Variants in RBFOX1 observed in about 807,000 individuals in gnomAD.
RBFOX1 encodes the protein RNA binding fox-1 homolog 1, also known as RNA binding protein fox-1 homolog 1.
RBFOX1 carries 8 observed loss-of-function variants against 57.7 expected under a neutral mutation model. That is an observed-to-expected ratio of 0.14 (90% CI 0.08 to 0.25). The LOEUF (loss-of-function observed/expected upper bound fraction) is 0.25, where lower values mean the gene tolerates loss of function less well. RBFOX1 is among the 10% of genes least tolerant of loss of function. RBFOX1 has a pLI of 1.00. For missense variants in RBFOX1, 611 were observed against 548.5 expected, an observed-to-expected ratio of 1.11 and a Z score of -1.14; for synonymous variants, 326 against 222.4, an observed-to-expected ratio of 1.47 and a Z score of -4.15.
intron 3 of RBFOX1, among the ~76,000 whole-genome samples, chr16:6,787,665 G>C (rs913699394): frequency 1.3e-5 from 2 of 152,128 alleles, no homozygotes; most frequent in African/African-American, 2.4e-5. Context: ...AGATGAAAGA[G>C]ATTGCATCCC....
chr16:5,864,349 C>A (rs772889533), intron 3 of RBFOX1, among the ~76,000 whole-genome samples: 15 of 152,190 alleles, frequency 9.9e-5, no homozygotes, highest in Non-Finnish European at 1.6e-4. Context: ...GATACATTAT[C>A]AATGTAAACA....
In RBFOX1 at chr16:7,530,036, A is replaced by T. The variant is rs576237918; in HGVS notation, c.270+11647A>T. On this transcript the variant is annotated intron_variant, in intron 5 of 15. Transcript: ENST00000550418. ...AAAAAAAAAAAAAAGTGAATTTAGG[A>T]ACCTGAACCCTTTAAGGGAGACTGT... 9.2e-4 allele frequency among the ~76,000 whole-genome samples: 138 copies of T among 150,596 alleles called. 1 individual carries two copies. The highest frequency in any genetic ancestry group is 3.3e-3 in the African/African-American group (135 of 41,062).
rs528473669 is a variant in RBFOX1, at chr16:6,963,189, G to A, written c.-15-88868G>A. On this transcript the variant is annotated intron_variant, in intron 3 of 15. Coordinates refer to ENST00000550418, the MANE Select transcript of RBFOX1 (RefSeq NM_018723.4). ...AAGCCTAGCACTGCTATTTTTTTTC[G>A]GAGTCCGTCATGCCATAATTTTCTG... 1.2e-4 allele frequency among the ~76,000 whole-genome samples: 18 copies of A among 152,012 alleles called. No homozygotes were observed. In the East Asian group the frequency reaches 1.4e-3, roughly 11 times the overall value.
chr16:6,478,752 C>G (rs1489164535), intron 2 of RBFOX1, among the ~76,000 whole-genome samples: 1 of 151,906 alleles, frequency 6.6e-6, no homozygotes, highest in South Asian at 2.1e-4. Flanking sequence ...GGGGAATGGC[C>G]TGTCAGTGGA....
chr16:7,168,695 C>T (rs534123891), intron 4 of RBFOX1, among the ~76,000 whole-genome samples: 1 of 152,224 alleles, frequency 6.6e-6, no homozygotes, highest in African/African-American at 2.4e-5. Context: ...CTTCCTGTTA[C>T]AAATTTTCTT....
chr16:5,307,428 G>A (rs1438227190), intron 1 of RBFOX1, among the ~76,000 whole-genome samples: 5 of 152,134 alleles, frequency 3.3e-5, no homozygotes, highest in Non-Finnish European at 7.3e-5. Flanking sequence ...CATGCTCGTG[G>A]TGAAGTTAAA....
intron 3 of RBFOX1, among the ~76,000 whole-genome samples, chr16:5,759,058 A>C (rs967028705): frequency 2.0e-5 from 3 of 152,188 alleles, no homozygotes; most frequent in African/African-American, 4.8e-5. Context: ...CTCCATTTCT[A>C]CTTCCATAAA....
intron 4 of RBFOX1, among the ~76,000 whole-genome samples, chr16:5,949,709 T>C (rs1597918674): frequency 6.6e-6 from 1 of 152,156 alleles, no homozygotes; most frequent in Admixed American, 6.5e-5. Flanking sequence ...ACAGCAGTTC[T>C]CAAAATATGC....
At chr16:5,593,823 T>A (rs2047092407) in intron 2 of RBFOX1, among the ~76,000 whole-genome samples, 1 of 152,112 alleles carries the variant, frequency 6.6e-6, no homozygotes, top group Admixed American at 6.6e-5. Context: ...TACTGTGGAG[T>A]CGCCCTGAAT....
chr16:7,287,399 G>C (rs1181830021), intron 4 of RBFOX1, among the ~76,000 whole-genome samples: 1 of 152,062 alleles, frequency 6.6e-6, no homozygotes, highest in Non-Finnish European at 1.5e-5. Context: ...CTATGCCAGG[G>C]TGCTCTCTTT....
chr16:6,990,863 A>G (rs1213410644), intron 3 of RBFOX1, among the ~76,000 whole-genome samples: 2 of 152,086 alleles, frequency 1.3e-5, no homozygotes, highest in South Asian at 2.1e-4. Flanking sequence ...TCTAGTTGCT[A>G]ATTTTTTAAG....
Position 7,000,596 on chromosome 16 carries a change from C to CTTTTTTTTTTTTTTT in RBFOX1, c.-15-51454_-15-51440dup, listed in dbSNP as rs759103545. Among the ~76,000 whole-genome samples the CTTTTTTTTTTTTTTT allele has an allele frequency of 1.2e-3, 111 of 92,568 alleles. 2 individuals are homozygous for CTTTTTTTTTTTTTTT. The highest frequency in any genetic ancestry group is 1.5e-3 in the African/African-American group (36 of 23,664). 60.7% of individuals were successfully genotyped at this position (92,568 alleles called of 152,430 possible). On this transcript the variant is annotated intron_variant, in intron 3 of 15. Coordinates refer to ENST00000550418, the MANE Select transcript of RBFOX1 (RefSeq NM_018723.4). ...TTTCTTTTTTTCTTTCTTTTTCTTT[C>CTTTTTTTTTTTTTTT]TTTTTTTTTTTTTTTTTTTTTGAGA...
chr16:7,141,866 T>C (rs1322314102), intron 4 of RBFOX1, among the ~76,000 whole-genome samples: 1 of 152,176 alleles, frequency 6.6e-6, no homozygotes, highest in African/African-American at 2.4e-5. Flanking sequence ...TTCTCACCTA[T>C]TCTCTGCACA....
intron 1 of RBFOX1, among the ~76,000 whole-genome samples, chr16:6,311,084 C>T (rs2080227113): frequency 6.6e-6 from 1 of 151,814 alleles, no homozygotes; most frequent in Non-Finnish European, 1.5e-5. Context: ...ATCACAAGGT[C>T]AGGAGTTCAA....
chr16:5,293,689 AG>A (rs1333244976), intron 1 of RBFOX1, among the ~76,000 whole-genome samples: 1 of 151,696 alleles, frequency 6.6e-6, no homozygotes, highest in African/African-American at 2.4e-5. Flanking sequence ...TTTATATGAA[AG>A]GTCCAGAATA....
intron 1 of RBFOX1, among the ~76,000 whole-genome samples, chr16:6,110,689 C>T (rs1229061868): frequency 6.6e-6 from 1 of 152,154 alleles, no homozygotes; most frequent in Non-Finnish European, 1.5e-5. Context: ...CATCTCAGTC[C>T]TCAAGAACTG....
intron 1 of RBFOX1, among the ~76,000 whole-genome samples, chr16:6,268,302 T>C (rs1472194220): frequency 6.6e-6 from 1 of 152,228 alleles, no homozygotes; most frequent in African/African-American, 2.4e-5. Context: ...GCAGGTCGAA[T>C]GGAGGAGAAC....
rs572877465 is a variant in RBFOX1 at position 7,075,281 on chromosome 16, A to T, written c.27+23183A>T. On this transcript the variant is annotated intron_variant, in intron 4 of 15. Transcript: ENST00000550418. ...GATGATCAAACCGTCTTCAAATGCA[A>T]GCAGTTATTGGTTTTAGTTAACAAT... Among the ~76,000 whole-genome samples the T allele has an allele frequency of 2.0e-5, 3 of 152,332 alleles. No individual in the cohort carries two copies. In the East Asian group the frequency reaches 5.8e-4, roughly 29 times the overall value.
At chr16:6,175,569 G>A (rs1277135059) in intron 1 of RBFOX1, among the ~76,000 whole-genome samples, 2 of 152,138 alleles carry the variant, frequency 1.3e-5, no homozygotes, top group South Asian at 2.1e-4. Context: ...GTTGTGCATA[G>A]CACCTAGTAA....
Sources: allele counts gnomAD v4.1 joint callset (sites outside exome capture counted in the v4.1 genomes callset), GRCh38; gene constraint gnomAD v4.1.1; transcripts MANE v1.5; gene names NCBI Gene and HGNC (gene_info 2026-07-23, HGNC 2026-07-21).